Variants in NCKAP1 observed in about 807,000 individuals in gnomAD.
NCKAP1 encodes nck-associated protein 1.
Under a neutral mutation model 151.2 loss-of-function variants are expected in NCKAP1, and 21 were observed. That is an observed-to-expected ratio of 0.14 (90% CI 0.10 to 0.20). NCKAP1 has a LOEUF of 0.20. Among genes scored for constraint, NCKAP1 ranks in the 10% least tolerant of loss-of-function variants. The probability of loss-of-function intolerance (pLI) is 1.00; values close to 1 mark genes in which losing one functional copy is unlikely to be tolerated. For synonymous variants in NCKAP1, 484 were observed against 451.8 expected, an observed-to-expected ratio of 1.07 and a Z score of -0.90; for missense variants, 933 against 1,352.1, an observed-to-expected ratio of 0.69 and a Z score of 4.86.
At chr2:183,014,933 C>A in intron 2 of NCKAP1, among the ~76,000 whole-genome samples, 1 of 152,170 alleles carries the variant, frequency 6.6e-6, no homozygotes, top group East Asian at 1.9e-4. Flanking sequence ...AATGGACCAA[C>A]AACTGTTTGA....
chr2:182,934,010 TAATAG>T (rs1349497390), intron 26 of NCKAP1, among the ~76,000 whole-genome samples: 2 of 152,176 alleles, frequency 1.3e-5, no homozygotes, highest in Non-Finnish European at 2.9e-5. Flanking sequence ...ATATTACATA[TAATAG>T]AATACTAAAA....
intron 26 of NCKAP1, 150 bp downstream of exon 26, chr2:182,934,602 A>G: frequency 1.8e-6 from 1 of 546,386 alleles, no homozygotes; most frequent in Non-Finnish European, 3.2e-6. Flanking sequence ...CTGAGCTCTC[A>G]AAGATTCAAT....
chr2:183,034,752 A>T (rs1699070845), intron 1 of NCKAP1, among the ~76,000 whole-genome samples: 1 of 152,182 alleles, frequency 6.6e-6, no homozygotes, highest in Non-Finnish European at 1.5e-5. Context: ...CATTACAGAA[A>T]ACTAAACTGA....
chr2:182,971,392 TCAAAAAA>T (rs1299296763), intron 15 of NCKAP1, among the ~76,000 whole-genome samples: 3 of 63,590 alleles, frequency 4.7e-5, no homozygotes, highest in East Asian at 4.2e-4. Flanking sequence ...AGACTCCGTC[TCAAAAAA>T]AAAAAAAAAA....
intron 1 of NCKAP1, among the ~76,000 whole-genome samples, chr2:183,036,106 A>C (rs1699098040): frequency 6.6e-6 from 1 of 152,214 alleles, no homozygotes; most frequent in Non-Finnish European, 1.5e-5. Flanking sequence ...CAAGAGGCTG[A>C]AGCTTCCCAA....
At chr2:182,949,260 T>C (rs1025712158) in intron 23 of NCKAP1, among the ~76,000 whole-genome samples, 2 of 152,204 alleles carry the variant, frequency 1.3e-5, no homozygotes, top group African/African-American at 2.4e-5. Context: ...GTAGGTTAGA[T>C]GACTACTGAG....
At chr2:183,025,595 C>T (rs1430713059) in intron 1 of NCKAP1, among the ~76,000 whole-genome samples, 1 of 152,158 alleles carries the variant, frequency 6.6e-6, no homozygotes, top group Non-Finnish European at 1.5e-5. Context: ...TTTAGCCAGA[C>T]TGACATTACT....
rs773549055 is a variant in NCKAP1, at chr2:182,935,320, T to C, written c.2751A>G (p.Arg917=). ...MTIIGVILSF[R]SLAQEALRDV... ...CTCTAAGTGCTTCTTGTGCCAATGA[T>C]CGGAAGGATAAAATTACACCAATTA... Residue 917 remains arginine, a synonymous_variant, in exon 25 of 31, where the codon CGA becomes CGG. Transcript: ENST00000361354. 2.5e-6 allele frequency: 4 copies of C among 1,592,478 alleles called. No homozygotes were observed. Among genetic ancestry groups the C allele is most frequent in the Admixed American group, 1.8e-5 (1 of 55,050 alleles).
intron 15 of NCKAP1, among the ~76,000 whole-genome samples, chr2:182,969,519 C>T (rs573189977): frequency 6.9e-4 from 104 of 151,714 alleles, no homozygotes; most frequent in African/African-American, 2.3e-3. Context: ...CCTTTAACTT[C>T]GGAAACTAAC....
In NCKAP1 at chr2:182,920,304, G is replaced by C. The variant is rs1248326322; in HGVS notation, c.*5398C>G. On this transcript the variant is annotated 3_prime_UTR_variant, in exon 31 of 31. Transcript: ENST00000361354. ...TACTTCTTACGTAATACTTGCTGTA[G>C]AGAATCTCTTTCTACTCAAGGGAAG... The C allele has an allele frequency of 2.6e-5, 4 of 152,124 alleles. No individual in the cohort carries two copies. Among genetic ancestry groups the C allele is most frequent in the Non-Finnish European group, 5.9e-5 (4 of 68,036 alleles). The allele number at this position is 152,124 out of a possible 1,614,324, so 9.4% of individuals were successfully genotyped here.
chr2:183,002,325 C>T (rs1698389557), intron 4 of NCKAP1, 56 bp from the exon 5 acceptor site: 2 of 1,211,476 alleles, frequency 1.7e-6, no homozygotes, highest in South Asian at 1.6e-5. Flanking sequence ...ATTTTAAACA[C>T]ACACAAAATC....
chr2:183,023,179 C>G (rs889903269), intron 2 of NCKAP1, among the ~76,000 whole-genome samples: 2 of 152,070 alleles, frequency 1.3e-5, no homozygotes, highest in East Asian at 3.8e-4. Flanking sequence ...AAAAATAACT[C>G]TAATTTCCCA....
chr2:182,937,938 G>A (rs896414894), intron 24 of NCKAP1, among the ~76,000 whole-genome samples: 5 of 152,178 alleles, frequency 3.3e-5, no homozygotes, highest in African/African-American at 7.2e-5. Context: ...TTCCAGGGAC[G>A]TTGTGAAAAA....
At chr2:182,932,766 T>C (rs115702993) in intron 26 of NCKAP1, among the ~76,000 whole-genome samples, 2,218 of 152,290 alleles carry the variant, frequency 0.015, 54 homozygotes, top group African/African-American at 0.051. Flanking sequence ...TAATTAGAAT[T>C]CTTATAATTC....
rs774165154 is a variant in NCKAP1, at chr2:182,935,341, A to C, written c.2730T>G (p.Ile910Met). Residue 910 changes from isoleucine (I) to methionine (M), a missense_variant, in exon 25 of 31, where the codon ATT (isoleucine) becomes ATG (methionine). By Grantham distance (10) the Ile-to-Met change is conservative. Transcript: ENST00000361354. ...ATGATCGGAAGGATAAAATTACACC[A>C]ATTATTGTCATCCTCTTCAAGACAC... ...VDSVLKRMTI[I>M]GVILSFRSLA... The C allele has an allele frequency of 6.3e-7, 1 of 1,588,858 alleles. No homozygotes were observed. The highest frequency in any genetic ancestry group is 1.8e-5 in the Admixed American group (1 of 54,172).
intron 1 of NCKAP1, among the ~76,000 whole-genome samples, chr2:183,027,215 C>A (rs1332564205): frequency 1.3e-5 from 2 of 152,156 alleles, no homozygotes; most frequent in African/African-American, 4.8e-5. Context: ...GCCTCAGTTT[C>A]TTCAACTGTT....
intron 17 of NCKAP1, among the ~76,000 whole-genome samples, chr2:182,963,710 T>G (rs142106872): frequency 2.6e-5 from 4 of 152,240 alleles, no homozygotes; most frequent in Non-Finnish European, 5.9e-5. Flanking sequence ...GGTAATTTAA[T>G]GAAAAGAAAT....
chr2:182,987,110 C>T (rs1377608811), intron 9 of NCKAP1, among the ~76,000 whole-genome samples: 25 of 151,994 alleles, frequency 1.6e-4, no homozygotes, highest in Non-Finnish European at 2.4e-4. Flanking sequence ...GGCATGGTGG[C>T]GGGCACCTGT....
chr2:183,001,932 T>G, intron 6 of NCKAP1, 21 bp downstream of exon 6: 2 of 1,588,540 alleles, frequency 1.3e-6, no homozygotes, highest in Non-Finnish European at 1.7e-6. Flanking sequence ...TTCTCTCATA[T>G]GCCTAACAAC....
Sources: allele counts gnomAD v4.1 joint callset (sites outside exome capture counted in the v4.1 genomes callset), GRCh38; gene constraint gnomAD v4.1.1; transcripts MANE v1.5; gene names NCBI Gene and HGNC (gene_info 2026-07-23, HGNC 2026-07-21).